Variants in KCNQ5 observed in about 807,000 individuals in gnomAD.
KCNQ5 encodes potassium voltage-gated channel subfamily KQT member 5.
In KCNQ5, 30 loss-of-function variants were observed where a neutral mutation model predicts 98.2. The ratio of observed to expected loss-of-function variants is 0.31; its 90% CI spans 0.23 to 0.41. KCNQ5 has a LOEUF of 0.41. Among genes scored for constraint, KCNQ5 ranks in the 10% least tolerant of loss-of-function variants. KCNQ5 has a pLI of 1.00. For synonymous variants in KCNQ5, 458 were observed against 449.4 expected (o/e 1.02, Z -0.24); for missense variants, 835 against 1,182.5 (o/e 0.71, Z 4.31).
At chr6:72,789,025 C>G (rs556344225) in intron 1 of KCNQ5, among the ~76,000 whole-genome samples, 4 of 152,278 alleles carry the variant, frequency 2.6e-5, no homozygotes, top group African/African-American at 9.6e-5. Flanking sequence ...AGCCCCAGTC[C>G]AAACCATACT....
chr6:72,771,596 G>T (rs780439856), intron 1 of KCNQ5, among the ~76,000 whole-genome samples: 12 of 150,344 alleles, frequency 8.0e-5, no homozygotes, highest in Non-Finnish European at 1.6e-4. Context: ...CACAATAAAG[G>T]GTAACTATGT....
chr6:73,140,606 G>C (rs1776665342), intron 10 of KCNQ5, among the ~76,000 whole-genome samples: 1 of 152,144 alleles, frequency 6.6e-6, no homozygotes, highest in African/African-American at 2.4e-5. Flanking sequence ...CAAAATCTGA[G>C]GGTTTTCTTT....
chr6:72,719,863 G>C (rs1769853910), intron 1 of KCNQ5, among the ~76,000 whole-genome samples: 1 of 152,146 alleles, frequency 6.6e-6, no homozygotes, highest in Non-Finnish European at 1.5e-5. Flanking sequence ...CCCCAGACTT[G>C]GGGCCTCCTG....
At chr6:72,857,728 A>G (rs1777591583) in intron 1 of KCNQ5, among the ~76,000 whole-genome samples, 1 of 152,234 alleles carries the variant, frequency 6.6e-6, no homozygotes, top group South Asian at 2.1e-4. Context: ...AAATTTTCTC[A>G]GTAGATGTTA....
chr6:72,794,796 G>A (rs1298074084), intron 1 of KCNQ5, among the ~76,000 whole-genome samples: 1 of 152,168 alleles, frequency 6.6e-6, no homozygotes, highest in Non-Finnish European at 1.5e-5. Flanking sequence ...TACCTGTGCT[G>A]AAAAGATGGC....
chr6:72,880,716 C>G (rs971808741), intron 1 of KCNQ5, among the ~76,000 whole-genome samples: 3 of 152,156 alleles, frequency 2.0e-5, no homozygotes, highest in African/African-American at 7.2e-5. Context: ...CAGAGTAACA[C>G]TACTGATTTT....
chr6:73,105,155 G>T, intron 5 of KCNQ5, 102 bp from the exon 6 acceptor site: 1 of 589,848 alleles, frequency 1.7e-6, no homozygotes. Context: ...AACAAGATTT[G>T]TTGAATAATG....
At chr6:73,156,177 A>C (rs1348371372) in intron 10 of KCNQ5, among the ~76,000 whole-genome samples, 1 of 152,232 alleles carries the variant, frequency 6.6e-6, no homozygotes, top group Non-Finnish European at 1.5e-5. Flanking sequence ...TTTAAATACA[A>C]CCAGCAGCAG....
chr6:72,798,483 T>C (rs1561990512), intron 1 of KCNQ5, among the ~76,000 whole-genome samples: 1 of 152,194 alleles, frequency 6.6e-6, no homozygotes, highest in Non-Finnish European at 1.5e-5. Flanking sequence ...CTCACTTGCA[T>C]GTGCTCTCCT....
chr6:72,787,572 C>G (rs368886956), intron 1 of KCNQ5, among the ~76,000 whole-genome samples: 5 of 152,012 alleles, frequency 3.3e-5, no homozygotes, highest in African/African-American at 1.2e-4. Context: ...TGTAGCCAAT[C>G]TATGTAGGAA....
At chr6:72,834,075 T>A (rs1776402529) in intron 1 of KCNQ5, among the ~76,000 whole-genome samples, 1 of 152,150 alleles carries the variant, frequency 6.6e-6, no homozygotes, top group Admixed American at 6.5e-5. Flanking sequence ...GGAGACCTCA[T>A]CTTTATGAAA....
chr6:72,749,435 C>T (rs1423977373), intron 1 of KCNQ5, among the ~76,000 whole-genome samples: 4 of 151,654 alleles, frequency 2.6e-5, no homozygotes, highest in Admixed American at 1.3e-4. Context: ...TCAGCTACCT[C>T]TGTTTATTGG....
intron 13 of KCNQ5, among the ~76,000 whole-genome samples, chr6:73,194,095 C>T (rs1765696477): frequency 6.6e-6 from 1 of 152,154 alleles, no homozygotes; most frequent in Admixed American, 6.5e-5. Context: ...CTCAGTTTCC[C>T]AAAGTGCTGG....
chr6:72,771,362 G>A (rs1372930346), intron 1 of KCNQ5, among the ~76,000 whole-genome samples: 1 of 152,106 alleles, frequency 6.6e-6, no homozygotes, highest in Non-Finnish European at 1.5e-5. Flanking sequence ...AAGAATGGGA[G>A]GATGTTCAAC....
chr6:72,916,779 A>C (rs1050656496), intron 1 of KCNQ5, among the ~76,000 whole-genome samples: 47 of 151,308 alleles, frequency 3.1e-4, no homozygotes, highest in African/African-American at 1.7e-4. Flanking sequence ...ATACCCCCCC[A>C]AAAAAAGTTT....
At chr6:72,995,925 C>A (rs1473051420) in intron 1 of KCNQ5, among the ~76,000 whole-genome samples, 1 of 152,196 alleles carries the variant, frequency 6.6e-6, no homozygotes, top group Non-Finnish European at 1.5e-5. Context: ...GACAAAAACA[C>A]ATCTTTACGG....
At chr6:73,136,467 G>C (rs1776475205) in intron 10 of KCNQ5, among the ~76,000 whole-genome samples, 1 of 152,150 alleles carries the variant, frequency 6.6e-6, no homozygotes, top group Non-Finnish European at 1.5e-5. Context: ...AAATTGGAGA[G>C]GTCTCCTGTC....
At chr6:73,151,803 A>G (rs970050305) in intron 10 of KCNQ5, among the ~76,000 whole-genome samples, 2 of 152,098 alleles carry the variant, frequency 1.3e-5, no homozygotes, top group African/African-American at 4.8e-5. Flanking sequence ...AGCTTTCAGG[A>G]TCTTGTGTTT....
In KCNQ5 at chr6:72,778,660, G is replaced by A. The variant is rs565899754; in HGVS notation, c.398+156073G>A. On this transcript the variant is annotated intron_variant, in intron 1 of 13. Transcript: ENST00000370398. ...GATAGATATGTTAATTAGCTTGATTGTGGTAATAATTTCACAATGTGTATG... is the reference window on the plus strand; with the variant it reads ...GATAGATATGTTAATTAGCTTGATTATGGTAATAATTTCACAATGTGTATG... 2.6e-5 allele frequency among the ~76,000 whole-genome samples: 4 copies of A among 152,264 alleles called. No homozygotes were observed. In the East Asian group the frequency reaches 7.7e-4, roughly 29 times the overall value.
Sources: allele counts gnomAD v4.1 joint callset (sites outside exome capture counted in the v4.1 genomes callset), GRCh38; gene constraint gnomAD v4.1.1; transcripts MANE v1.5; gene names NCBI Gene and HGNC (gene_info 2026-07-23, HGNC 2026-07-21).